The following SLC44A5 variants were observed in gnomAD, a reference collection of about 807,000 sequenced individuals.
SLC44A5 encodes choline transporter-like protein 5.
Under a neutral mutation model 101.8 loss-of-function variants are expected in SLC44A5, and 57 were observed. The ratio of observed to expected loss-of-function variants is 0.56; its 90% CI spans 0.45 to 0.70. The LOEUF (loss-of-function observed/expected upper bound fraction) is 0.70, where lower values mean the gene tolerates loss of function less well. SLC44A5 is among the 30% of genes least tolerant of loss of function. The pLI is 0.00. For synonymous variants in SLC44A5, 281 were observed against 290.9 expected, an observed-to-expected ratio of 0.97 and a Z score of 0.35; for missense variants, 737 against 853.1, an observed-to-expected ratio of 0.86 and a Z score of 1.70.
chr1:75,613,611 A>G (rs933897348), upstream of SLC44A5, among the ~76,000 whole-genome samples: 2 of 152,266 alleles, frequency 1.3e-5, no homozygotes, highest in Non-Finnish European at 2.9e-5. Context: ...GCTAAGTAAC[A>G]TAACTTTTCC....
the SLC44A5 span, among the ~76,000 whole-genome samples, chr1:75,626,743 A>C: frequency 6.6e-6 from 1 of 152,034 alleles, no homozygotes; most frequent in African/African-American, 2.4e-5. Flanking sequence ...CTTGAAACTT[A>C]ATTGATCTCC....
At chr1:75,250,358 T>C (rs1649463387) in intron 7 of SLC44A5, among the ~76,000 whole-genome samples, 1 of 152,198 alleles carries the variant, frequency 6.6e-6, no homozygotes, top group Admixed American at 6.5e-5. Flanking sequence ...CTGCATAGTA[T>C]TCCATGGTGT....
At chr1:75,266,689 G>C (rs2100713745) in intron 6 of SLC44A5, among the ~76,000 whole-genome samples, 1 of 152,274 alleles carries the variant, frequency 6.6e-6, no homozygotes, top group East Asian at 1.9e-4. Context: ...TCTTATCTGT[G>C]TTACCCCTTT....
At chr1:75,667,414 A>C in the SLC44A5 span, among the ~76,000 whole-genome samples, 1 of 152,230 alleles carries the variant, frequency 6.6e-6, no homozygotes, top group Non-Finnish European at 1.5e-5. Context: ...ACCACTGCTC[A>C]ACGAAATAAG....
At position 75,286,402 on chromosome 1, in the gene SLC44A5, C is replaced by T. The variant is rs114561667; in HGVS notation, c.176-11360G>A. Among the ~76,000 whole-genome samples, 1,112 of 152,106 alleles carry T rather than the reference C, an allele frequency of 7.3e-3. 11 individuals carry two copies. Among genetic ancestry groups the T allele is most frequent in the African/African-American group, 0.018 (760 of 41,526 alleles). On this transcript the variant is annotated intron_variant, in intron 5 of 23. Coordinates refer to ENST00000370859, the MANE Select transcript of SLC44A5 (RefSeq NM_001130058.2). ...AGTCTCTTGAAGATAGCAGATAGTT[C>T]GTTCGTGAATTCTTGTCCATTCCGC...
At chr1:75,269,640 T>C (rs983023929) in intron 6 of SLC44A5, among the ~76,000 whole-genome samples, 10 of 152,182 alleles carry the variant, frequency 6.6e-5, no homozygotes, top group Non-Finnish European at 1.3e-4. Flanking sequence ...GTTAATTCAA[T>C]ACTATTTATT....
At chr1:75,396,684 A>G (rs1331321208) in intron 2 of SLC44A5, 63 bp from the exon 3 acceptor site, 3 of 1,244,150 alleles carry the variant, frequency 2.4e-6, no homozygotes, top group Non-Finnish European at 3.6e-6. Context: ...GAGGTTCTAT[A>G]CACATCTCTC....
At chr1:75,611,595 A>C (rs1675660295), upstream of SLC44A5, among the ~76,000 whole-genome samples, 1 of 152,238 alleles carries the variant, frequency 6.6e-6, no homozygotes, top group Non-Finnish European at 1.5e-5. Flanking sequence ...CCATCAGAAC[A>C]ACCTGACAGT....
At chr1:75,526,123 C>G (rs1670395728) in intron 2 of SLC44A5, among the ~76,000 whole-genome samples, 1 of 152,078 alleles carries the variant, frequency 6.6e-6, no homozygotes, top group African/African-American at 2.4e-5. Flanking sequence ...TTCTGCACAC[C>G]ACTTCAGGCC....
intron 2 of SLC44A5, among the ~76,000 whole-genome samples, chr1:75,512,585 A>C (rs1453499852): frequency 6.6e-6 from 1 of 152,234 alleles, no homozygotes; most frequent in African/African-American, 2.4e-5. Flanking sequence ...TGAGCAAAAC[A>C]AACAAGTTCC....
chr1:75,224,131 T>G (rs1250715625), intron 13 of SLC44A5, among the ~76,000 whole-genome samples: 1 of 152,170 alleles, frequency 6.6e-6, no homozygotes, highest in Admixed American at 6.5e-5. Context: ...TCCTGTAAGA[T>G]TATAATGGAG....
At chr1:75,210,675 TG>T (rs1646835876) in intron 23 of SLC44A5, among the ~76,000 whole-genome samples, 1 of 152,174 alleles carries the variant, frequency 6.6e-6, no homozygotes, top group Non-Finnish European at 1.5e-5. Flanking sequence ...TAACAAAGCA[TG>T]GCAGAAGCCA....
the SLC44A5 span, among the ~76,000 whole-genome samples, chr1:75,617,644 A>C: frequency 1.3e-5 from 2 of 152,228 alleles, no homozygotes; most frequent in South Asian, 4.1e-4. Context: ...GAAGATGTGC[A>C]TCAGAAATAA....
the SLC44A5 span, among the ~76,000 whole-genome samples, chr1:75,636,622 C>T: frequency 6.6e-6 from 1 of 152,012 alleles, no homozygotes; most frequent in Non-Finnish European, 1.5e-5. Flanking sequence ...TTTTGTTTTG[C>T]TGATGTAGTT....
At chr1:75,326,034 G>T (rs1004145036) in intron 4 of SLC44A5, among the ~76,000 whole-genome samples, 16 of 150,286 alleles carry the variant, frequency 1.1e-4, no homozygotes, top group African/African-American at 3.9e-4. Context: ...TGCTCAAAAA[G>T]TTTCAGATTT....
intron 1 of SLC44A5, among the ~76,000 whole-genome samples, chr1:75,576,911 G>A (rs1253383125): frequency 1.3e-5 from 2 of 152,200 alleles, no homozygotes; most frequent in South Asian, 4.1e-4. Flanking sequence ...TCACAGAGGT[G>A]TAGTGAAGAT....
At chr1:75,614,924 C>T (rs1015903817), upstream of SLC44A5, among the ~76,000 whole-genome samples, 1 of 152,080 alleles carries the variant, frequency 6.6e-6, no homozygotes, top group South Asian at 2.1e-4. Flanking sequence ...GCTAGGGAGC[C>T]GACAAGCTGC....
chr1:75,477,144 G>C (rs762206426), intron 2 of SLC44A5, among the ~76,000 whole-genome samples: 1 of 152,178 alleles, frequency 6.6e-6, no homozygotes, highest in Non-Finnish European at 1.5e-5. Context: ...AGGCAAACAG[G>C]GTCTGGAGTG....
the SLC44A5 span, among the ~76,000 whole-genome samples, chr1:75,699,815 A>G: frequency 6.6e-6 from 1 of 152,154 alleles, no homozygotes. Flanking sequence ...AGGAAGATCT[A>G]CCAAGCAAAT....
Sources: allele counts gnomAD v4.1 joint callset (sites outside exome capture counted in the v4.1 genomes callset), GRCh38; gene constraint gnomAD v4.1.1; transcripts MANE v1.5; gene names NCBI Gene and HGNC (gene_info 2026-07-23, HGNC 2026-07-21).